Variants in FRMD3 observed in about 807,000 individuals in gnomAD.
The protein encoded by FRMD3 is FERM domain containing 3, also known as FERM domain-containing protein 3.
A neutral mutation model predicts 70.2 loss-of-function variants in FRMD3; 33 were observed. The ratio of observed to expected loss-of-function variants is 0.47; its 90% confidence interval spans 0.36 to 0.63. The LOEUF is 0.63. FRMD3 is among the 20% of genes least tolerant of loss of function. FRMD3 has a pLI of 0.00. For missense variants in FRMD3, 632 were observed against 711.4 expected, an observed-to-expected ratio of 0.89 and a Z score of 1.27; for synonymous variants, 279 against 255.9, an observed-to-expected ratio of 1.09 and a Z score of -0.86.
At chr9:83,346,101 C>T (rs1036730111) in intron 4 of FRMD3, among the ~76,000 whole-genome samples, 5 of 151,782 alleles carry the variant, frequency 3.3e-5, no homozygotes, top group African/African-American at 1.2e-4. Context: ...ACTAAAAATA[C>T]AAAAATTAGC....
chr9:83,576,923 T>C, the FRMD3 span, among the ~76,000 whole-genome samples: 2 of 152,090 alleles, frequency 1.3e-5, 1 homozygote, highest in South Asian at 4.1e-4. Context: ...ATACAAAATA[T>C]GCACTATCGA....
intron 5 of FRMD3, among the ~76,000 whole-genome samples, chr9:83,342,024 T>C (rs989302809): frequency 5.3e-5 from 8 of 149,708 alleles, no homozygotes; most frequent in Non-Finnish European, 5.9e-5. Flanking sequence ...TCCAGATCCA[T>C]TGGAAGATTG....
intron 1 of FRMD3, among the ~76,000 whole-genome samples, chr9:83,392,311 G>A (rs1260221819): frequency 2.6e-5 from 4 of 152,116 alleles, no homozygotes; most frequent in East Asian, 1.9e-4. Context: ...CACATTCTTC[G>A]CCTGGAAATC....
At chr9:83,447,225 A>T (rs1289866914) in intron 1 of FRMD3, among the ~76,000 whole-genome samples, 3 of 152,208 alleles carry the variant, frequency 2.0e-5, no homozygotes, top group South Asian at 2.1e-4. Flanking sequence ...GGGTTTCATC[A>T]TGTTGGCTAG....
At chr9:83,290,768 C>A in intron 12 of FRMD3, 41 bp from the exon 13 acceptor site, 1 of 1,564,320 alleles carries the variant, frequency 6.4e-7, no homozygotes, top group Non-Finnish European at 8.7e-7. Flanking sequence ...GTTTCCATCA[C>A]AAATGCTGGC....
At chr9:83,450,834 C>T (rs983753693) in intron 1 of FRMD3, among the ~76,000 whole-genome samples, 2 of 152,274 alleles carry the variant, frequency 1.3e-5, no homozygotes, top group African/African-American at 2.4e-5. Flanking sequence ...CCTGCACTCA[C>T]GGAGTAACTC....
intron 4 of FRMD3, among the ~76,000 whole-genome samples, chr9:83,344,283 G>GT (rs960615835): frequency 1.3e-5 from 2 of 152,156 alleles, no homozygotes; most frequent in African/African-American, 4.8e-5. Flanking sequence ...AAAAACCAAT[G>GT]TTTTTTCTCC....
At chr9:83,458,699 G>C (rs181271488) in intron 1 of FRMD3, among the ~76,000 whole-genome samples, 33 of 152,222 alleles carry the variant, frequency 2.2e-4, no homozygotes, top group African/African-American at 7.7e-4. Context: ...AACAAGAAGA[G>C]TACATCTACA....
intron 3 of FRMD3, 137 bp from the exon 4 acceptor site, chr9:83,349,894 A>C: frequency 1.7e-6 from 1 of 590,860 alleles, no homozygotes; most frequent in East Asian, 2.9e-5. Context: ...GTTTTGGAAG[A>C]AGCAGATATG....
In FRMD3 at chr9:83,316,148, C is replaced by CTTTTTTTTTTTTTTTTTTTTTTTT. The variant is rs369641019; in HGVS notation, c.597-2402_597-2401insAAAAAAAAAAAAAAAAAAAAAAAA. 3.0e-5 allele frequency among the ~76,000 whole-genome samples: 4 copies of CTTTTTTTTTTTTTTTTTTTTTTTT among 134,502 alleles called. 1 individual carries two copies. The highest frequency in any genetic ancestry group is 8.5e-5 in the African/African-American group (3 of 35,240). 88.2% of individuals were successfully genotyped at this position (134,502 alleles called of 152,430 possible). On this transcript the variant is annotated intron_variant, in intron 6 of 13. Transcript: ENST00000304195. Reference sequence around the variant, plus strand: ...TATATGCCACCTTATTCTTTTTTCTCTTTTTTTTTTTTCTTTTTTTTTTTT... The same window carrying CTTTTTTTTTTTTTTTTTTTTTTTT: ...TATATGCCACCTTATTCTTTTTTCTCTTTTTTTTTTTTTTTTTTTTTTTTTTTTTTTTTTTTCTTTTTTTTTTTT...
chr9:83,558,067 G>A, the FRMD3 span, among the ~76,000 whole-genome samples: 1 of 152,104 alleles, frequency 6.6e-6, no homozygotes, highest in Non-Finnish European at 1.5e-5. Context: ...AGAATGTATT[G>A]GCATTCAAGG....
intron 12 of FRMD3, among the ~76,000 whole-genome samples, chr9:83,296,770 A>G (rs1278708913): frequency 1.3e-5 from 2 of 151,978 alleles, no homozygotes; most frequent in Non-Finnish European, 2.9e-5. Flanking sequence ...CTTTCCTCGC[A>G]CTCTGGGGTT....
Position 83,245,384 on chromosome 9 carries a change from A to G in FRMD3, c.*2534T>C. On this transcript the variant is annotated 3_prime_UTR_variant, in exon 14 of 14. Transcript: ENST00000304195. ...GATGTTTCTAAAAGGCTCTGATTCT[A>G]TGCCGAGCAAATGGCATTTCAAGAT... The G allele has an allele frequency of 1.0e-6, 1 of 985,446 alleles. No homozygotes were observed. Among genetic ancestry groups the G allele is most frequent in the Non-Finnish European group, 1.2e-6 (1 of 829,934 alleles). The allele number at this position is 985,446 out of a possible 1,614,324, so 61.0% of individuals were successfully genotyped here. A position where few individuals can be genotyped will look rare whatever the true frequency, so the allele number is the denominator to read the frequency against.
rs570540914 is a variant in FRMD3 at position 83,404,715 on chromosome 9, C to T, written c.148-15007G>A. Among the ~76,000 whole-genome samples, 19 of 152,274 alleles carry T rather than the reference C, an allele frequency of 1.2e-4. No homozygotes were observed. In the South Asian group the frequency reaches 3.7e-3, roughly 30 times the overall value. Reference sequence around the variant, plus strand: ...ATGTACACACACATACATACATATACATGCAGACAAAAAGTAAAGATTTGA... The same window carrying T: ...ATGTACACACACATACATACATATATATGCAGACAAAAAGTAAAGATTTGA... On this transcript the variant is annotated intron_variant, in intron 1 of 13. Transcript: ENST00000304195.
intron 6 of FRMD3, among the ~76,000 whole-genome samples, chr9:83,328,754 G>A (rs1836126031): frequency 6.6e-6 from 1 of 152,194 alleles, no homozygotes; most frequent in African/African-American, 2.4e-5. Context: ...ACAAAAGGCT[G>A]CTCTTCGATA....
chr9:83,338,224 T>C (rs1320956721), intron 5 of FRMD3, among the ~76,000 whole-genome samples: 1 of 152,180 alleles, frequency 6.6e-6, no homozygotes. Context: ...ACCTATAACA[T>C]TGGCAATAAA....
chr9:83,409,250 G>T (rs1826212743), intron 1 of FRMD3, among the ~76,000 whole-genome samples: 1 of 152,178 alleles, frequency 6.6e-6, no homozygotes, highest in African/African-American at 2.4e-5. Context: ...CAGGCGCATT[G>T]AACTGAATGC....
At chr9:83,312,635 C>T (rs998087768) in intron 7 of FRMD3, among the ~76,000 whole-genome samples, 6 of 152,206 alleles carry the variant, frequency 3.9e-5, no homozygotes, top group Non-Finnish European at 2.9e-5. Context: ...CCAACATTTG[C>T]GTAGGCAGAA....
chr9:83,397,644 G>A (rs140913795), intron 1 of FRMD3, among the ~76,000 whole-genome samples: 1 of 152,294 alleles, frequency 6.6e-6, no homozygotes, highest in East Asian at 1.9e-4. Context: ...AGAAGTGGGA[G>A]CTGTGAGGCC....
Sources: gnomAD v4.1 joint callset for allele counts (sites outside exome capture counted in the v4.1 genomes callset) on GRCh38, gnomAD v4.1.1 for gene constraint, MANE v1.5 for transcripts, NCBI Gene and HGNC (gene_info 2026-07-23, HGNC 2026-07-21) for gene names.